Variants in COL18A1 observed in about 807,000 individuals in gnomAD.
The protein encoded by COL18A1 is collagen alpha-1(XVIII) chain.
COL18A1 carries 133 observed loss-of-function variants against 168.0 expected under a neutral mutation model. That is an observed-to-expected ratio of 0.79 (90% CI 0.69 to 0.91). The LOEUF is 0.91. Among genes scored for constraint, COL18A1 ranks in the 40% least tolerant of loss-of-function variants. COL18A1 has a pLI of 0.00. For synonymous variants in COL18A1, 949 were observed against 809.0 expected, an observed-to-expected ratio of 1.17 and a Z score of -2.94; for missense variants, 2,126 against 1,925.4, an observed-to-expected ratio of 1.10 and a Z score of -1.95.
chr21:45,512,902 C>A lies in COL18A1; in HGVS notation c.*504C>A, dbSNP rs974797276. 4.6e-5 allele frequency: 9 copies of A among 197,672 alleles called. No homozygotes were observed. The highest frequency in any genetic ancestry group is 1.4e-4 in the African/African-American group (6 of 42,474). The allele number at this position is 197,672 out of a possible 1,614,324, so 12.2% of individuals were successfully genotyped here. ...TCCTCCAGGGTGTGTGCTCGCCCTG[C>A]GGTAGATGGGAGGGAGGCTCAGGTC... On this transcript the variant is annotated 3_prime_UTR_variant, in exon 42 of 42. Transcript: ENST00000651438.
chr21:45,475,637 C>A, intron 5 of COL18A1, 102 bp downstream of exon 5: 1 of 1,005,908 alleles, frequency 9.9e-7, no homozygotes, highest in Non-Finnish European at 1.5e-6. Flanking sequence ...GCTCCAAGAG[C>A]TCCCTCTATG....
At chr21:45,504,602 G>A in intron 34 of COL18A1, 46 bp downstream of exon 34, 1 of 1,532,988 alleles carries the variant, frequency 6.5e-7, no homozygotes, top group Non-Finnish European at 8.8e-7. Flanking sequence ...CAGGGGTCTG[G>A]GTGCAGGAGC....
intron 2 of COL18A1, among the ~76,000 whole-genome samples, chr21:45,417,836 G>A (rs1002210331): frequency 6.6e-6 from 1 of 152,212 alleles, no homozygotes; most frequent in Non-Finnish European, 1.5e-5. Flanking sequence ...AAACGCTAAG[G>A]GTGGGGAGAA....
At chr21:45,487,027 C>T (rs528561574) in intron 16 of COL18A1, 35 bp downstream of exon 16, 148 of 1,482,692 alleles carry the variant, frequency 1.0e-4, no homozygotes, top group East Asian at 5.3e-4. Context: ...CCTGGAGAGC[C>T]GGGGGCTGCC....
chr21:45,470,492 G>GTTT (rs71185152), intron 3 of COL18A1, among the ~76,000 whole-genome samples: 2 of 40,818 alleles, frequency 4.9e-5, no homozygotes, highest in African/African-American at 2.4e-4. Context: ...TTTTTTTTTT[G>GTTT]TTTTTTTTTT....
intron 2 of COL18A1, among the ~76,000 whole-genome samples, chr21:45,427,857 C>T (rs145531985): frequency 1.1e-4 from 17 of 152,278 alleles, no homozygotes; most frequent in South Asian, 2.1e-4. Flanking sequence ...CGGCAACTGG[C>T]GATGAGCTCA....
chr21:45,458,423 G>A (rs756453567), intron 2 of COL18A1, among the ~76,000 whole-genome samples: 67 of 152,092 alleles, frequency 4.4e-4, no homozygotes, highest in Non-Finnish European at 3.8e-4. Flanking sequence ...GGCTGTGCCC[G>A]CGAATGTTGG....
Position 45,456,450 on chromosome 21 carries a change from ACGTGGCT to A in COL18A1, c.107-11791_107-11785del, listed in dbSNP as rs1437224820. On this transcript the variant is annotated intron_variant, in intron 2 of 41. Transcript: ENST00000651438. ...AGGGACAGCGGTGCTTGGGTCTCCC[ACGTGGCT>A]AACTCTGTGGGGCCGGGTCTTGCTA... 7.1e-6 allele frequency: 11 copies of A among 1,544,200 alleles called. No homozygotes were observed. In the Admixed American group the frequency reaches 2.2e-4, roughly 30 times the overall value.
chr21:45,467,663 T>C (rs1241038843), intron 2 of COL18A1, among the ~76,000 whole-genome samples: 1 of 152,168 alleles, frequency 6.6e-6, no homozygotes, highest in Non-Finnish European at 1.5e-5. Context: ...CACTGGGGTG[T>C]GGGGTCAGCC....
intron 2 of COL18A1, chr21:45,420,041 T>C (rs2033570492): frequency 6.6e-6 from 1 of 152,220 alleles, no homozygotes; most frequent in African/African-American, 2.4e-5. Context: ...TTGAGATAAA[T>C]ACCAGGACCA....
intron 20 of COL18A1, 133 bp downstream of exon 20, chr21:45,490,479 C>CCTCCATGTGCCCTCGTGGGTTCCTGGGT: frequency 3.0e-6 from 2 of 675,426 alleles, no homozygotes; most frequent in South Asian, 3.6e-5. Flanking sequence ...GGTCCCTGGG[C>CCTCCATGTGCCCTCGTGGGTTCCTGGGT]CTCCGTGTGC....
Position 45,477,588 on chromosome 21 carries a change from G to A in COL18A1, c.1005+101G>A, listed in dbSNP as rs539296816. 3.8e-5 allele frequency: 50 copies of A among 1,325,518 alleles called. 1 individual carries two copies. In the Middle Eastern group the frequency reaches 5.3e-4, roughly 14 times the overall value. The allele number at this position is 1,325,518 out of a possible 1,614,324, so 82.1% of individuals were successfully genotyped here. Reference sequence around the variant, plus strand: ...GCCCTGATGAAGCCCCTCTGTGCCCGTGCCTCCTTTGTGCCCAGCACTCGG... The same window carrying A: ...GCCCTGATGAAGCCCCTCTGTGCCCATGCCTCCTTTGTGCCCAGCACTCGG... On this transcript the variant is annotated intron_variant, in intron 7 of 41. Transcript: ENST00000651438.
chr21:45,497,015 C>A, intron 30 of COL18A1, 35 bp from the exon 31 acceptor site: 1 of 1,543,874 alleles, frequency 6.5e-7, no homozygotes, highest in Non-Finnish European at 8.9e-7. Flanking sequence ...TTCAGAACAT[C>A]GCCCTCAGCA....
At chr21:45,467,386 A>G in intron 2 of COL18A1, 1 of 985,338 alleles carries the variant, frequency 1.0e-6, no homozygotes, top group Non-Finnish European at 1.2e-6. Context: ...TGCACGGAGC[A>G]GCGGGGCTGG....
intron 19 of COL18A1, 91 bp from the exon 20 acceptor site, chr21:45,490,184 C>A: frequency 9.3e-7 from 1 of 1,081,074 alleles, no homozygotes; most frequent in Non-Finnish European, 1.4e-6. Context: ...AGGCCATCGC[C>A]ACGTCCACGG....
At chr21:45,450,952 C>T (rs1235537207) in intron 2 of COL18A1, among the ~76,000 whole-genome samples, 10 of 152,228 alleles carry the variant, frequency 6.6e-5, no homozygotes, top group Non-Finnish European at 1.3e-4. Context: ...CCCCCGGGTC[C>T]ACCAAGGCCA....
At chr21:45,418,540 C>T (rs2033515424) in intron 2 of COL18A1, among the ~76,000 whole-genome samples, 1 of 152,176 alleles carries the variant, frequency 6.6e-6, no homozygotes, top group Non-Finnish European at 1.5e-5. Context: ...GCGATCACTG[C>T]AGAGGCTGCC....
At chr21:45,493,441 G>A in intron 25 of COL18A1, 60 bp from the exon 26 acceptor site, 3 of 1,470,848 alleles carry the variant, frequency 2.0e-6, no homozygotes, top group Non-Finnish European at 2.8e-6. Flanking sequence ...TCGGGGCTCT[G>A]GGTGAGGCTT....
At chr21:45,459,337 C>A (rs1021451520) in intron 2 of COL18A1, among the ~76,000 whole-genome samples, 1 of 152,204 alleles carries the variant, frequency 6.6e-6, no homozygotes, top group Non-Finnish European at 1.5e-5. Flanking sequence ...GACTTCGAGG[C>A]CCCGAAAGTG....
Sources: allele counts gnomAD v4.1 joint callset (sites outside exome capture counted in the v4.1 genomes callset), GRCh38; gene constraint gnomAD v4.1.1; transcripts MANE v1.5; gene names NCBI Gene and HGNC (gene_info 2026-07-23, HGNC 2026-07-21).